The following SDK1 variants were observed in gnomAD, a reference collection of about 807,000 sequenced individuals.
The protein encoded by SDK1 is sidekick cell adhesion molecule 1.
In SDK1, 157 loss-of-function variants were observed where a neutral mutation model predicts 245.5. The observed-to-expected ratio is 0.64, with a 90% confidence interval of 0.56 to 0.73. The LOEUF (loss-of-function observed/expected upper bound fraction) is 0.73, where lower values mean the gene tolerates loss of function less well. Ranked by LOEUF, SDK1 falls within the 30% of genes least tolerant of loss-of-function variation. SDK1 has a pLI of 0.00. For missense variants in SDK1, 3,583 were observed against 3,002.3 expected, an observed-to-expected ratio of 1.19 and a Z score of -4.52; for synonymous variants, 1,647 against 1,278.5, an observed-to-expected ratio of 1.29 and a Z score of -6.15.
At chr7:4,122,683 T>G (rs886366883) in intron 25 of SDK1, among the ~76,000 whole-genome samples, 2 of 151,944 alleles carry the variant, frequency 1.3e-5, no homozygotes, top group South Asian at 2.1e-4. Flanking sequence ...CTGCATAGTG[T>G]GAAATCCTAC....
intron 1 of SDK1, among the ~76,000 whole-genome samples, chr7:3,313,769 T>C (rs912504044): frequency 2.0e-5 from 3 of 152,232 alleles, no homozygotes; most frequent in Non-Finnish European, 4.4e-5. Context: ...TAATTAATGA[T>C]AACTTGTTTT....
At chr7:3,932,925 T>A (rs954420505) in intron 5 of SDK1, among the ~76,000 whole-genome samples, 2 of 152,020 alleles carry the variant, frequency 1.3e-5, no homozygotes, top group African/African-American at 4.8e-5. Context: ...TGAGCCTGAT[T>A]ATTTACGCTT....
At position 3,766,926 on chromosome 7, in the gene SDK1, A is replaced by AC. The variant is rs1367303698; in HGVS notation, c.714-54524_714-54523insC. 2.9e-4 allele frequency among the ~76,000 whole-genome samples: 44 copies of AC among 152,326 alleles called. 1 individual carries two copies. Among genetic ancestry groups the AC allele is most frequent in the African/African-American group, 1.1e-3 (44 of 41,564 alleles). ...ATATGCCCAAAAGTGGTTCTATTTA[A>AC]ATTCCACACAAGAGAAGTAGCAATG... On this transcript the variant is annotated intron_variant, in intron 4 of 44. Transcript: ENST00000404826.
intron 17 of SDK1, among the ~76,000 whole-genome samples, chr7:4,018,349 C>T (rs1261101030): frequency 5.9e-5 from 9 of 152,128 alleles, no homozygotes; most frequent in Admixed American, 5.2e-4. Context: ...TATTATCATC[C>T]CGTATTGACT....
At chr7:3,793,988 C>T (rs1224025756) in intron 4 of SDK1, among the ~76,000 whole-genome samples, 1 of 152,210 alleles carries the variant, frequency 6.6e-6, no homozygotes, top group Admixed American at 6.5e-5. Flanking sequence ...GCACCTCCAA[C>T]CCCCACATCC....
intron 5 of SDK1, among the ~76,000 whole-genome samples, chr7:3,878,694 G>T (rs1485114862): frequency 1.3e-5 from 2 of 152,110 alleles, no homozygotes; most frequent in African/African-American, 4.8e-5. Flanking sequence ...CACTTAGAGG[G>T]TTCGAAGAGG....
intron 1 of SDK1, among the ~76,000 whole-genome samples, chr7:3,581,544 G>A (rs748456786): frequency 6.6e-6 from 1 of 152,176 alleles, no homozygotes; most frequent in African/African-American, 2.4e-5. Flanking sequence ...ACACACCGTT[G>A]TGGGGAGGGT....
intron 1 of SDK1, among the ~76,000 whole-genome samples, chr7:3,504,660 CAA>C (rs1455630929): frequency 6.6e-6 from 1 of 151,964 alleles, no homozygotes; most frequent in Non-Finnish European, 1.5e-5. Flanking sequence ...GAAATTAACT[CAA>C]AGTGCATTAT....
At chr7:3,959,857 C>G (rs957906278) in intron 8 of SDK1, among the ~76,000 whole-genome samples, 1 of 152,076 alleles carries the variant, frequency 6.6e-6, no homozygotes, top group East Asian at 1.9e-4. Flanking sequence ...CATCCCAGCC[C>G]TCATCCCCAT....
intron 13 of SDK1, among the ~76,000 whole-genome samples, chr7:3,983,521 CATA>C (rs1204293079): frequency 5.9e-5 from 9 of 152,146 alleles, no homozygotes; most frequent in Non-Finnish European, 1.3e-4. Flanking sequence ...GTTTTTTAGA[CATA>C]ATGCTATTGC....
At chr7:4,252,134 GC>G (rs1272749706) in intron 44 of SDK1, among the ~76,000 whole-genome samples, 2 of 149,404 alleles carry the variant, frequency 1.3e-5, no homozygotes, top group East Asian at 3.9e-4. Flanking sequence ...ATATACATGT[GC>G]CATGTTGGTG....
At chr7:3,707,455 T>C (rs1784922407) in intron 4 of SDK1, among the ~76,000 whole-genome samples, 1 of 152,248 alleles carries the variant, frequency 6.6e-6, no homozygotes, top group African/African-American at 2.4e-5. Flanking sequence ...TATCGAGACT[T>C]GTTTTGTAAT....
chr7:3,714,367 A>G (rs1434915289), intron 4 of SDK1, among the ~76,000 whole-genome samples: 1 of 152,248 alleles, frequency 6.6e-6, no homozygotes, highest in Non-Finnish European at 1.5e-5. Context: ...GAATGATAGA[A>G]GTACCATAGG....
intron 9 of SDK1, 111 bp from the exon 10 acceptor site, chr7:3,967,207 T>C: frequency 1.2e-6 from 1 of 802,094 alleles, no homozygotes; most frequent in Non-Finnish European, 2.1e-6. Flanking sequence ...TTTGTATTGC[T>C]ACAGTTACCT....
intron 4 of SDK1, among the ~76,000 whole-genome samples, chr7:3,797,338 C>G (rs901930873): frequency 6.6e-6 from 1 of 150,422 alleles, no homozygotes; most frequent in East Asian, 2.0e-4. Context: ...TCGCTTCTTT[C>G]ACCTTTTCTT....
intron 19 of SDK1, among the ~76,000 whole-genome samples, chr7:4,064,615 G>A (rs1779751721): frequency 6.6e-6 from 1 of 152,130 alleles, no homozygotes; most frequent in South Asian, 2.1e-4. Flanking sequence ...CATACCCCAT[G>A]CTTACTGCAG....
intron 4 of SDK1, among the ~76,000 whole-genome samples, chr7:3,793,507 AG>A (rs1375196478): frequency 2.0e-5 from 3 of 152,196 alleles, no homozygotes; most frequent in African/African-American, 7.2e-5. Context: ...GATAGTCTTC[AG>A]GTTTCTTTCT....
intron 1 of SDK1, among the ~76,000 whole-genome samples, chr7:3,597,094 C>A (rs1781091574): frequency 6.6e-6 from 1 of 151,932 alleles, no homozygotes; most frequent in Non-Finnish European, 1.5e-5. Flanking sequence ...CACGGTGAAA[C>A]CCTGTCTCTA....
At chr7:3,398,369 T>G (rs1778782935) in intron 1 of SDK1, among the ~76,000 whole-genome samples, 1 of 152,150 alleles carries the variant, frequency 6.6e-6, no homozygotes, top group South Asian at 2.1e-4. Context: ...CAGATTTGTT[T>G]AGTAGGCCTG....
Sources: gnomAD v4.1 joint callset for allele counts (sites outside exome capture counted in the v4.1 genomes callset) on GRCh38, gnomAD v4.1.1 for gene constraint, MANE v1.5 for transcripts, NCBI Gene and HGNC (gene_info 2026-07-23, HGNC 2026-07-21) for gene names.